FRMD6: variants seen among roughly 807,000 people sequenced by gnomAD.
The protein encoded by FRMD6 is FERM domain-containing protein 6.
A neutral mutation model predicts 73.2 loss-of-function variants in FRMD6; 37 were observed. The observed-to-expected ratio is 0.51, with a 90% CI of 0.39 to 0.66. The LOEUF (loss-of-function observed/expected upper bound fraction) is 0.66. Among genes scored for constraint, FRMD6 ranks in the 30% least tolerant of loss-of-function variants. The pLI is 0.00. For missense variants in FRMD6, 714 were observed against 780.5 expected, an observed-to-expected ratio of 0.91 and a Z score of 1.02; for synonymous variants, 273 against 282.2, an observed-to-expected ratio of 0.97 and a Z score of 0.33.
intron 2 of FRMD6, 144 bp from the exon 3 acceptor site, chr14:51,697,998 G>A (rs922890959): frequency 1.8e-6 from 1 of 570,774 alleles, no homozygotes; most frequent in South Asian, 2.1e-5. Context: ...AGGTTAAAGT[G>A]ATTTGGATAA....
intron 1 of FRMD6, among the ~76,000 whole-genome samples, chr14:51,658,642 C>A (rs1184147638): frequency 6.6e-6 from 1 of 152,156 alleles, no homozygotes; most frequent in Non-Finnish European, 1.5e-5. Flanking sequence ...TCTTTGTCTA[C>A]TGAGAGCAGC....
At chr14:51,696,731 A>T (rs976760277) in intron 2 of FRMD6, among the ~76,000 whole-genome samples, 18 of 146,082 alleles carry the variant, frequency 1.2e-4, no homozygotes, top group African/African-American at 4.5e-4. Context: ...CAGGCAACGT[A>T]GTGAGAGACC....
chr14:51,659,553 C>T (rs561429403), intron 1 of FRMD6, among the ~76,000 whole-genome samples: 5 of 152,126 alleles, frequency 3.3e-5, no homozygotes, highest in Non-Finnish European at 5.9e-5. Flanking sequence ...ACTAATTGAT[C>T]GAGTTATTTT....
At chr14:51,602,849 A>G (rs1021522979) in intron 2 of FRMD6, among the ~76,000 whole-genome samples, 4 of 152,250 alleles carry the variant, frequency 2.6e-5, no homozygotes, top group Non-Finnish European at 5.9e-5. Flanking sequence ...CAATATTATT[A>G]ACATTCAAAG....
At chr14:51,644,387 ACT>A (rs35312402) in intron 2 of FRMD6, among the ~76,000 whole-genome samples, 14,128 of 114,370 alleles carry the variant, frequency 0.12, 697 homozygotes, top group Non-Finnish European at 0.17. Flanking sequence ...ACACACACAC[ACT>A]CACTCACTCT....
In FRMD6 at chr14:51,514,325, A is replaced by T. The variant is rs544017343; in HGVS notation, c.-210+24905A>T. Among the ~76,000 whole-genome samples, 108 of 151,154 alleles carry T rather than the reference A, an allele frequency of 7.1e-4. 1 individual carries two copies. The highest frequency in any genetic ancestry group is 1.2e-3 in the East Asian group (6 of 5,116). ...AAACAAATGACACAGGGAGGGGAACATCACACACTAGGGCCTGTTGGGGGT... is the reference window on the plus strand; with the variant it reads ...AAACAAATGACACAGGGAGGGGAACTTCACACACTAGGGCCTGTTGGGGGT... On this transcript the variant is annotated intron_variant, in intron 1 of 14. Coordinates refer to the FRMD6 transcript ENST00000356218.
At chr14:51,491,328 A>C (rs1882990502) in intron 1 of FRMD6, 1 of 152,268 alleles carries the variant, frequency 6.6e-6, no homozygotes, top group Non-Finnish European at 1.5e-5. Flanking sequence ...GCTTCCTTAC[A>C]GCTGCTTCTT....
chr14:51,548,272 A>C (rs1432821773), intron 1 of FRMD6, among the ~76,000 whole-genome samples: 1 of 152,226 alleles, frequency 6.6e-6, no homozygotes, highest in East Asian at 1.9e-4. Context: ...ATTCTCGCTA[A>C]GTTCTATGAG....
chr14:51,671,459 T>C (rs76929509), intron 1 of FRMD6, among the ~76,000 whole-genome samples: 1,859 of 152,318 alleles, frequency 0.012, 48 homozygotes, highest in African/African-American at 0.042. Context: ...ATGCATATTA[T>C]GTATGGATTT....
chr14:51,487,523 C>A (rs1882795514), upstream of FRMD6, among the ~76,000 whole-genome samples: 1 of 152,168 alleles, frequency 6.6e-6, no homozygotes, highest in Non-Finnish European at 1.5e-5. Context: ...AGCTCCAGGT[C>A]AGTGCTGCTG....
At chr14:51,727,309 GA>G (rs548953904) in intron 13 of FRMD6, among the ~76,000 whole-genome samples, 143 of 145,196 alleles carry the variant, frequency 9.8e-4, no homozygotes, top group East Asian at 5.0e-3. Flanking sequence ...ATATCCTACT[GA>G]AAAAAAAAAA....
the FRMD6 span, among the ~76,000 whole-genome samples, chr14:51,430,608 A>G: frequency 6.6e-6 from 1 of 152,090 alleles, no homozygotes; most frequent in South Asian, 2.1e-4. Flanking sequence ...TCATAAAAAA[A>G]AAAACAAAAA....
At chr14:51,449,960 T>A in the FRMD6 span, among the ~76,000 whole-genome samples, 3 of 152,246 alleles carry the variant, frequency 2.0e-5, no homozygotes, top group African/African-American at 7.2e-5. Flanking sequence ...CATCTGGGCC[T>A]GTGGTGAAAA....
At chr14:51,656,753 C>T (rs534288090) in intron 1 of FRMD6, among the ~76,000 whole-genome samples, 1 of 152,224 alleles carries the variant, frequency 6.6e-6, no homozygotes, top group East Asian at 1.9e-4. Context: ...GCTGTATGGT[C>T]TTGTCTTAGC....
the FRMD6 span, among the ~76,000 whole-genome samples, chr14:51,400,043 C>CA: frequency 2.0e-5 from 3 of 151,774 alleles, no homozygotes; most frequent in Admixed American, 2.0e-4. Context: ...TCAATACATG[C>CA]ATACATTGTG....
intron 2 of FRMD6, among the ~76,000 whole-genome samples, chr14:51,619,161 G>A (rs989415334): frequency 2.0e-5 from 3 of 151,840 alleles, no homozygotes; most frequent in Admixed American, 6.6e-5. Flanking sequence ...TAAAGCGCAA[G>A]TCTTCTTGTA....
intron 2 of FRMD6, 47 bp downstream of exon 2, chr14:51,689,982 A>G: frequency 8.4e-7 from 1 of 1,183,720 alleles, no homozygotes; most frequent in Non-Finnish European, 1.3e-6. Flanking sequence ...TGTTTTCACC[A>G]GTGGCCACAT....
chr14:51,597,235 A>T lies in FRMD6; in HGVS notation c.-147+26825A>T, dbSNP rs141302803. Among the ~76,000 whole-genome samples the T allele has an allele frequency of 4.5e-3, 684 of 152,362 alleles. 4 individuals carry two copies. The highest frequency in any genetic ancestry group is 0.016 in the African/African-American group (652 of 41,582). On this transcript the variant is annotated intron_variant, in intron 2 of 14. Transcript: ENST00000356218. Reference sequence around the variant, plus strand: ...GAGAGCTTATCTTATGTTTAAAAAAATGAAATATATGCATACATAACTAGA... The same window carrying T: ...GAGAGCTTATCTTATGTTTAAAAAATTGAAATATATGCATACATAACTAGA...
chr14:51,721,732 G>GAGGAAGGA (rs1566598354), intron 11 of FRMD6, among the ~76,000 whole-genome samples: 2 of 111,886 alleles, frequency 1.8e-5, no homozygotes, highest in African/African-American at 7.1e-5. Context: ...GGGAGGAAGG[G>GAGGAAGGA]AGGGAGGAAG....
Sources: gnomAD v4.1 joint callset for allele counts (sites outside exome capture counted in the v4.1 genomes callset) on GRCh38, gnomAD v4.1.1 for gene constraint, MANE v1.5 for transcripts, NCBI Gene and HGNC (gene_info 2026-07-23, HGNC 2026-07-21) for gene names.